CACNA1C: variants seen among roughly 807,000 people sequenced by gnomAD.
The protein encoded by CACNA1C is calcium voltage-gated channel subunit alpha1 C.
CACNA1C carries 30 observed loss-of-function variants against 229.0 expected under a neutral mutation model. That is an observed-to-expected ratio of 0.13 (90% CI 0.10 to 0.18). The LOEUF is 0.18. Among genes scored for constraint, CACNA1C ranks in the 10% least tolerant of loss-of-function variants. The pLI is 1.00. For missense variants in CACNA1C, 1,658 were observed against 2,845.0 expected, an observed-to-expected ratio of 0.58 and a Z score of 9.49; for synonymous variants, 1,114 against 1,132.5, an observed-to-expected ratio of 0.98 and a Z score of 0.33.
chr12:2,431,177 C>T (rs1185820208), intron 3 of CACNA1C, among the ~76,000 whole-genome samples: 2 of 152,224 alleles, frequency 1.3e-5, no homozygotes, highest in African/African-American at 4.8e-5. Flanking sequence ...TCAAGATCCC[C>T]AGGTCCTCCC....
intron 3 of CACNA1C, among the ~76,000 whole-genome samples, chr12:2,384,177 G>A (rs993435380): frequency 5.9e-5 from 9 of 152,322 alleles, no homozygotes; most frequent in Middle Eastern, 3.4e-3. Context: ...AAGTTTTCTC[G>A]CAGGTGACTC....
intron 9 of CACNA1C, among the ~76,000 whole-genome samples, chr12:2,543,691 G>C (rs962461668): frequency 2.6e-5 from 4 of 152,198 alleles, no homozygotes; most frequent in African/African-American, 9.6e-5. Flanking sequence ...AAAGATCTGA[G>C]ACTTATGTGA....
chr12:2,167,865 A>C (rs1315781523), intron 3 of CACNA1C, among the ~76,000 whole-genome samples: 1 of 152,042 alleles, frequency 6.6e-6, no homozygotes, highest in Non-Finnish European at 1.5e-5. Flanking sequence ...AAACCCAGAA[A>C]CTCATCCAAT....
chr12:2,070,907 C>A (rs942089708), intron 1 of CACNA1C, among the ~76,000 whole-genome samples: 1 of 145,066 alleles, frequency 6.9e-6, no homozygotes, highest in Non-Finnish European at 1.5e-5. Flanking sequence ...TTCCTTTTCT[C>A]TCTCCTTCCT....
At chr12:2,672,695 C>T (rs2096618717) in intron 38 of CACNA1C, among the ~76,000 whole-genome samples, 1 of 152,236 alleles carries the variant, frequency 6.6e-6, no homozygotes, top group Non-Finnish European at 1.5e-5. Context: ...AGGGCCCACC[C>T]TCATCCAGGA....
At chr12:2,283,305 A>G (rs867436560) in intron 3 of CACNA1C, among the ~76,000 whole-genome samples, 7 of 152,226 alleles carry the variant, frequency 4.6e-5, no homozygotes, top group Non-Finnish European at 1.0e-4. Context: ...GGAGGCTGAC[A>G]AAGTATCTTA....
chr12:2,022,504 G>A (rs1723807282), intron 1 of CACNA1C, among the ~76,000 whole-genome samples: 1 of 150,836 alleles, frequency 6.6e-6, no homozygotes, highest in Non-Finnish European at 1.5e-5. Flanking sequence ...ACCCTCGGGG[G>A]AGTGCAGTGG....
chr12:2,690,783 C>A, intron 46 of CACNA1C, 117 bp from the exon 47 acceptor site: 2 of 997,522 alleles, frequency 2.0e-6, no homozygotes, highest in Non-Finnish European at 1.5e-6. Context: ...CGTGCACACA[C>A]GCACACTTCC....
chr12:2,523,484 A>T (rs1280789194), intron 9 of CACNA1C, among the ~76,000 whole-genome samples: 1 of 152,086 alleles, frequency 6.6e-6, no homozygotes, highest in East Asian at 1.9e-4. Context: ...GGTGTGAGGA[A>T]TGTCATGGAA....
intron 3 of CACNA1C, among the ~76,000 whole-genome samples, chr12:2,280,503 G>A (rs1190651296): frequency 2.9e-5 from 2 of 68,112 alleles, no homozygotes; most frequent in African/African-American, 5.6e-5. Context: ...GCTGTGCTTC[G>A]GTTTAACCTC....
Position 2,499,146 on chromosome 12 carries a change from G to A in CACNA1C, c.1114-5696G>A, listed in dbSNP as rs138352167. ...CAACTTCCTGCTCACTTGGTGCTCC[G>A]TGAGGTAGCTGCCCGTGTCCCAGCA... On this transcript the variant is annotated intron_variant, in intron 7 of 46. Transcript: ENST00000399655. Among the ~76,000 whole-genome samples, 695 of 152,220 alleles carry A rather than the reference G, an allele frequency of 4.6e-3. 8 individuals are homozygous for A. Among genetic ancestry groups the A allele is most frequent in the African/African-American group, 0.016 (657 of 41,534 alleles).
At position 2,181,421 on chromosome 12, in the gene CACNA1C, C is replaced by T. The variant is rs1439036334; in HGVS notation, c.477+60991C>T. Among the ~76,000 whole-genome samples the T allele has an allele frequency of 1.3e-5, 2 of 152,132 alleles. No homozygotes were observed. The highest frequency in any genetic ancestry group is 2.1e-4 in the South Asian group (1 of 4,820). ...GACAGAGTTAAGATCAACATGATCA[C>T]AGCAGACTGACACGGCGAGCTGAAA... On this transcript the variant is annotated intron_variant, in intron 3 of 46. Transcript: ENST00000399655. The surrounding 1 kb of genome is among the most constrained non-coding windows in gnomAD (Gnocchi z 4.0).
At chr12:2,370,981 G>A (rs1407960322) in intron 3 of CACNA1C, among the ~76,000 whole-genome samples, 3 of 152,192 alleles carry the variant, frequency 2.0e-5, no homozygotes, top group Non-Finnish European at 4.4e-5. Flanking sequence ...CACATTCAGT[G>A]AGGGACCCCA....
rs2097786440 is a variant in CACNA1C, at chr12:2,691,379, G to A, written c.*180G>A. ...GCCGCCCTCCGGGAGGAAGGCGCCC[G>A]GCTGCGTCTGCAGAGGCGGGGAGAG... On this transcript the variant is annotated 3_prime_UTR_variant, in exon 47 of 47. Transcript: ENST00000399655. 1.5e-5 allele frequency: 9 copies of A among 601,248 alleles called. No homozygotes were observed. Among genetic ancestry groups the A allele is most frequent in the Admixed American group, 1.2e-4 (3 of 24,460 alleles). The allele number at this position is 601,248 out of a possible 1,614,324, so 37.2% of individuals were successfully genotyped here.
intron 33 of CACNA1C, 138 bp from the exon 34 acceptor site, chr12:2,655,009 G>T: frequency 1.6e-6 from 1 of 638,398 alleles, no homozygotes; most frequent in Non-Finnish European, 2.9e-6. Context: ...CTGCCAGGTT[G>T]CATGGGAAGA....
At position 2,609,994 on chromosome 12, in the gene CACNA1C, G is replaced by A. The variant is rs1428320446; in HGVS notation, c.3559-547G>A. ...CAAAAAATTAGCTGGGCGTTGTGGC[G>A]TGTGCCTGTAATCACAGCTACTTGG... is the stretch of plus-strand genomic sequence containing the variant. On this transcript the variant is annotated intron_variant, in intron 27 of 46. Coordinates refer to ENST00000399655, the MANE Select transcript of CACNA1C (RefSeq NM_000719.7). 5.9e-5 allele frequency among the ~76,000 whole-genome samples: 9 copies of A among 152,110 alleles called. No homozygotes were observed. The East Asian group carries it at 7.7e-4, about 13-fold the overall frequency.
chr12:2,592,881 G>T (rs2066076557), intron 18 of CACNA1C, among the ~76,000 whole-genome samples: 1 of 151,842 alleles, frequency 6.6e-6, no homozygotes, highest in Admixed American at 6.6e-5. Context: ...GTCCTACCTG[G>T]TCACCTTTTT....
chr12:2,051,121 T>A (rs1292782234), upstream of CACNA1C, among the ~76,000 whole-genome samples: 1 of 152,162 alleles, frequency 6.6e-6, no homozygotes, highest in Non-Finnish European at 1.5e-5. Context: ...TGGGGGTCTG[T>A]CAGTACTGAA....
chr12:2,484,492 GT>G (rs1026655632), intron 5 of CACNA1C, among the ~76,000 whole-genome samples: 9 of 152,316 alleles, frequency 5.9e-5, no homozygotes, highest in African/African-American at 2.2e-4. Flanking sequence ...GGCATTCAAA[GT>G]TCCAGCAGGC....
Sources: gnomAD v4.1 joint callset for allele counts (sites outside exome capture counted in the v4.1 genomes callset) on GRCh38, gnomAD v4.1.1 for gene constraint, Gnocchi (gnomAD v3.1) non-coding constraint, MANE v1.5 for transcripts, NCBI Gene and HGNC (gene_info 2026-07-23, HGNC 2026-07-21) for gene names.